The following ALDH3B1 variants were observed in gnomAD, a reference collection of about 807,000 sequenced individuals.
ALDH3B1 encodes aldehyde dehydrogenase 3 family member B1, also known as aldehyde dehydrogenase family 3 member B1.
A neutral mutation model predicts 46.2 loss-of-function variants in ALDH3B1; 37 were observed. The observed-to-expected ratio is 0.80, with a 90% CI of 0.62 to 1.05. The LOEUF is 1.05. ALDH3B1 is among the 50% of genes least tolerant of loss of function. The pLI is 0.00. For missense variants in ALDH3B1, 603 were observed against 665.5 expected (o/e 0.91, Z 1.03); for synonymous variants, 283 against 281.0 (o/e 1.01, Z -0.07).
intron 9 of ALDH3B1, among the ~76,000 whole-genome samples, chr11:68,027,054 C>A (rs3794177): frequency 0.23 from 35,387 of 151,790 alleles, 4,246 homozygotes; most frequent in African/African-American, 0.27. Flanking sequence ...CCGAGCTGAC[C>A]CTTCTTGGTG....
At chr11:68,022,570 G>A in intron 7 of ALDH3B1, 25 bp from the exon 8 acceptor site, 7 of 1,611,604 alleles carry the variant, frequency 4.3e-6, no homozygotes, top group Non-Finnish European at 5.9e-6. Flanking sequence ...TGGCCCCAGG[G>A]CTGAGCTGTC....
intron 6 of ALDH3B1, 29 bp downstream of exon 6, chr11:68,019,825 C>G: frequency 6.2e-7 from 1 of 1,611,298 alleles, no homozygotes; most frequent in Non-Finnish European, 8.5e-7. Flanking sequence ...TCGGGACAGG[C>G]TGGGGTCGGG....
chr11:68,028,292 C>T lies in ALDH3B1; in HGVS notation c.*353C>T. The stretch of plus-strand genomic sequence containing the variant: ...GTCCGAGGGGCCCTGGCATCTGACT[C>T]AGGCCACACCATGGAATCACTGCAT... On this transcript the variant is annotated 3_prime_UTR_variant, in exon 10 of 10. Coordinates refer to ENST00000342456, the MANE Select transcript of ALDH3B1 (RefSeq NM_000694.4). 2 of 430,646 alleles carry T rather than the reference C, an allele frequency of 4.6e-6. No homozygotes were observed. The highest frequency in any genetic ancestry group is 7.2e-4 in the Middle Eastern group (1 of 1,390). The allele number at this position is 430,646 out of a possible 1,614,324, so 26.7% of individuals were successfully genotyped here.
At chr11:68,017,378 C>T (rs1227973282) in intron 2 of ALDH3B1, 1 of 152,742 alleles carries the variant, frequency 6.5e-6, no homozygotes, top group East Asian at 1.9e-4. Flanking sequence ...CGCTGAGTGA[C>T]CTCAGGCAGG....
intron 1 of ALDH3B1, 114 bp downstream of exon 1, chr11:68,010,506 C>G (rs1215264977): frequency 5.9e-5 from 9 of 152,388 alleles, no homozygotes; most frequent in Non-Finnish European, 1.2e-4. Context: ...GGCAGCTGCA[C>G]TCAGAGGCCA....
At position 68,021,708 on chromosome 11, in the gene ALDH3B1, T is replaced by G; in HGVS notation, c.786T>G (p.Pro262=). ...CTGAGATGCAGGAGAGGCTGCTGCCTGCCCTGCAGAGCACCATCACCCGTT... is the reference window on the plus strand; with the variant it reads ...CTGAGATGCAGGAGAGGCTGCTGCCGGCCCTGCAGAGCACCATCACCCGTT... ...CSPEMQERLL[P]ALQSTITRFY... is the part of the protein sequence containing the mutation. Residue 262 remains proline (P), a synonymous_variant, in exon 7 of 10, where the codon CCT becomes CCG. Coordinates refer to ENST00000342456, the MANE Select transcript of ALDH3B1 (RefSeq NM_000694.4). 1 of 1,607,642 alleles carries G rather than the reference T, an allele frequency of 6.2e-7. No homozygotes were observed. Among genetic ancestry groups the G allele is most frequent in the Non-Finnish European group, 8.5e-7 (1 of 1,177,080 alleles).
At chr11:68,027,025 T>C (rs1209471631) in intron 9 of ALDH3B1, among the ~76,000 whole-genome samples, 1 of 150,450 alleles carries the variant, frequency 6.6e-6, no homozygotes, top group Admixed American at 6.6e-5. Flanking sequence ...CAAGAAAGCC[T>C]CCCCCAGCTC....
chr11:68,023,463 C>A (rs776740023), intron 8 of ALDH3B1, among the ~76,000 whole-genome samples: 13 of 151,884 alleles, frequency 8.6e-5, no homozygotes, highest in Non-Finnish European at 1.5e-4. Flanking sequence ...GCCACTATGC[C>A]CGGCTAATTC....
At chr11:68,026,244 C>T (rs775506064) in intron 9 of ALDH3B1, 136 bp downstream of exon 9, 19 of 687,356 alleles carry the variant, frequency 2.8e-5, no homozygotes, top group African/African-American at 7.4e-5. Flanking sequence ...CCCCAGAACC[C>T]GCATCCTGCT....
At chr11:68,027,678 G>C (rs1006099560) in intron 9 of ALDH3B1, 71 bp from the exon 10 acceptor site, 4 of 1,467,448 alleles carry the variant, frequency 2.7e-6, no homozygotes, top group Non-Finnish European at 3.7e-6. Flanking sequence ...GAAGTAGCCC[G>C]CCTAGGCCCC....
intron 7 of ALDH3B1, among the ~76,000 whole-genome samples, chr11:68,022,247 G>T (rs758898437): frequency 6.6e-6 from 1 of 152,174 alleles, no homozygotes; most frequent in African/African-American, 2.4e-5. Flanking sequence ...CTCCTGGGCC[G>T]TACGGCTCAG....
Position 68,027,746 on chromosome 11 carries a change from C to T in ALDH3B1, c.1217-3C>T. On this transcript the variant is annotated splice_region_variant and splice_polypyrimidine_tract_variant and intron_variant, in intron 9 of 9. Coordinates refer to ENST00000342456, the MANE Select transcript of ALDH3B1 (RefSeq NM_000694.4). Reference sequence around the variant, plus strand: ...ACCACCTGTGTTCTGTGCCACTGTACAGGTGCCAGTGGGATGGGCCGGTAC... The same window carrying T: ...ACCACCTGTGTTCTGTGCCACTGTATAGGTGCCAGTGGGATGGGCCGGTAC... 5 of 1,554,812 alleles carry T rather than the reference C, an allele frequency of 3.2e-6. No individual in the cohort carries two copies. Among genetic ancestry groups the T allele is most frequent in the Non-Finnish European group, 4.4e-6 (5 of 1,147,998 alleles).
At chr11:68,020,212 C>A (rs1857457245) in intron 6 of ALDH3B1, among the ~76,000 whole-genome samples, 1 of 152,124 alleles carries the variant, frequency 6.6e-6, no homozygotes. Context: ...TTGGAGAAAT[C>A]CACGCCAGAG....
At chr11:68,019,112 T>C in intron 4 of ALDH3B1, 58 bp from the exon 5 acceptor site, 1 of 1,548,040 alleles carries the variant, frequency 6.5e-7, no homozygotes, top group Non-Finnish European at 8.8e-7. Context: ...CCTGCAGGTG[T>C]GTGGAGACCA....
intron 5 of ALDH3B1, 66 bp downstream of exon 5, chr11:68,019,321 C>CA (rs1226826295): frequency 4.9e-6 from 7 of 1,415,724 alleles, no homozygotes; most frequent in Non-Finnish European, 6.9e-6. Flanking sequence ...CAGCCCCTGG[C>CA]ATGGAAGGGC....
intron 7 of ALDH3B1, 140 bp from the exon 8 acceptor site, chr11:68,022,455 C>A: frequency 8.3e-7 from 1 of 1,205,820 alleles, no homozygotes; most frequent in Non-Finnish European, 1.1e-6. Context: ...CTAAACACTC[C>A]AAAGCCTGAA....
chr11:68,009,612 C>A (rs2010404), upstream of ALDH3B1, among the ~76,000 whole-genome samples: 29,268 of 152,180 alleles, frequency 0.19, 3,153 homozygotes, highest in Non-Finnish European at 0.23. Context: ...GGGCTGCATG[C>A]GTCAGCTAAC....
At chr11:68,020,816 C>T (rs751368900) in intron 6 of ALDH3B1, among the ~76,000 whole-genome samples, 11 of 152,208 alleles carry the variant, frequency 7.2e-5, no homozygotes, top group African/African-American at 1.4e-4. Flanking sequence ...TCCCCACAGA[C>T]GCAGCAGCGT....
Position 68,026,076 on chromosome 11 carries a change from T to C in ALDH3B1, c.1184T>C (p.Met395Thr). 1 of 1,608,590 alleles carries C rather than the reference T, an allele frequency of 6.2e-7. No individual in the cohort carries two copies. Among genetic ancestry groups the C allele is most frequent in the Non-Finnish European group, 8.5e-7 (1 of 1,177,610 alleles). The change falls in exon 9 of 10, where the codon ATG becomes ACG. Residue 395 changes from methionine (M) to threonine (T), a missense_variant. Physicochemically the swap from Met to Thr is moderately conservative, Grantham distance 81. Transcript: ENST00000342456. ...GFCGNDGFMHMTLASLPFGGV... is the reference protein window; with the variant it reads ...GFCGNDGFMHTTLASLPFGGV... ...TGTGGGAACGACGGCTTCATGCACA[T>C]GACCCTGGCCAGCCTGCCTTTTGGA...
Sources: allele counts gnomAD v4.1 joint callset (sites outside exome capture counted in the v4.1 genomes callset), GRCh38; gene constraint gnomAD v4.1.1; transcripts MANE v1.5; gene names NCBI Gene and HGNC (gene_info 2026-07-23, HGNC 2026-07-21).